PACRG: variants seen among roughly 807,000 people sequenced by gnomAD.
PACRG encodes parkin coregulated, also known as parkin coregulated gene protein.
Under a neutral mutation model 29.7 loss-of-function variants are expected in PACRG, and 29 were observed. The observed-to-expected ratio is 0.98, with a 90% confidence interval of 0.73 to 1.33. The LOEUF is 1.33. PACRG is among the 40% of genes most tolerant of loss of function. The pLI is 0.00. For synonymous variants in PACRG, 116 were observed against 118.7 expected (o/e 0.98, Z 0.15); for missense variants, 279 against 316.2 (o/e 0.88, Z 0.89).
intron 2 of PACRG, among the ~76,000 whole-genome samples, chr6:163,009,343 A>G (rs1319613248): frequency 1.3e-5 from 2 of 152,236 alleles, no homozygotes; most frequent in African/African-American, 2.4e-5. Context: ...TTCACTCTAT[A>G]TATTATTCCA....
chr6:163,003,793 A>G (rs562579110), intron 2 of PACRG, among the ~76,000 whole-genome samples: 1 of 152,320 alleles, frequency 6.6e-6, no homozygotes, highest in Non-Finnish European at 1.5e-5. Flanking sequence ...ATTTAAATAC[A>G]TTAGCCTTAA....
intron 2 of PACRG, among the ~76,000 whole-genome samples, chr6:162,982,616 G>A (rs1287900149): frequency 4.6e-5 from 7 of 151,812 alleles, no homozygotes; most frequent in African/African-American, 7.2e-5. Context: ...TGGTTTTGAG[G>A]GTTCCTTTTG....
chr6:162,862,523 G>T (rs769341264), intron 2 of PACRG, among the ~76,000 whole-genome samples: 5 of 152,216 alleles, frequency 3.3e-5, no homozygotes, highest in Non-Finnish European at 5.9e-5. Flanking sequence ...TGTACCTGAA[G>T]CAGAATTTCA....
At chr6:162,837,005 C>T (rs1789283997) in intron 2 of PACRG, among the ~76,000 whole-genome samples, 1 of 152,062 alleles carries the variant, frequency 6.6e-6, no homozygotes, top group East Asian at 1.9e-4. Flanking sequence ...TCATATGCTT[C>T]TTTACAGAAA....
In PACRG at chr6:163,024,164, A is replaced by G. The variant is rs370277161; in HGVS notation, c.292-37986A>G. Reference sequence around the variant, plus strand: ...TGCCACAGCCAGTGTCAAGAAGAGTATTTCCTAGATTGCCTTCCAGGATTT... The same window carrying G: ...TGCCACAGCCAGTGTCAAGAAGAGTGTTTCCTAGATTGCCTTCCAGGATTT... On this transcript the variant is annotated intron_variant, in intron 2 of 4. Coordinates refer to ENST00000366888, the MANE Select transcript of PACRG (RefSeq NM_001080379.2). Among the ~76,000 whole-genome samples, 22 of 152,304 alleles carry G rather than the reference A, an allele frequency of 1.4e-4. No individual in the cohort carries two copies. The South Asian group carries it at 4.6e-3, about 32-fold the overall frequency.
intron 4 of PACRG, among the ~76,000 whole-genome samples, chr6:163,158,971 T>G (rs1778438117): frequency 6.6e-6 from 1 of 152,188 alleles, no homozygotes; most frequent in Non-Finnish European, 1.5e-5. Context: ...TGAATAGACC[T>G]CTATCATGTT....
intron 1 of PACRG, among the ~76,000 whole-genome samples, chr6:162,748,138 A>T (rs1047718518): frequency 6.6e-6 from 1 of 152,178 alleles, no homozygotes. Context: ...TTGTCATTAA[A>T]GAAAGTGGGT....
At chr6:163,286,772 T>C (rs1165264208) in intron 4 of PACRG, among the ~76,000 whole-genome samples, 1 of 152,210 alleles carries the variant, frequency 6.6e-6, no homozygotes, top group Non-Finnish European at 1.5e-5. Context: ...CAGGTCACTT[T>C]AAAACTACAT....
chr6:163,297,393 A>C (rs1326302981), intron 4 of PACRG, among the ~76,000 whole-genome samples: 1 of 152,204 alleles, frequency 6.6e-6, no homozygotes, highest in African/African-American at 2.4e-5. Flanking sequence ...TAAATAGCAG[A>C]CTTCAGTTTC....
At chr6:162,878,556 A>T (rs573022687) in intron 2 of PACRG, among the ~76,000 whole-genome samples, 2 of 152,326 alleles carry the variant, frequency 1.3e-5, no homozygotes, top group South Asian at 4.1e-4. Flanking sequence ...TCAAAGAGTG[A>T]CATCAGCAAG....
At chr6:163,119,565 ATC>A (rs751972978) in intron 4 of PACRG, among the ~76,000 whole-genome samples, 4 of 152,160 alleles carry the variant, frequency 2.6e-5, no homozygotes, top group Non-Finnish European at 5.9e-5. Flanking sequence ...AGCTACACCC[ATC>A]TCGGGATGAT....
chr6:163,144,572 C>T (rs1489095373), intron 4 of PACRG, among the ~76,000 whole-genome samples: 1 of 152,054 alleles, frequency 6.6e-6, no homozygotes. Flanking sequence ...AGTTCGAGAC[C>T]AGCCTAGCCA....
chr6:163,233,504 G>T (rs557521295), intron 4 of PACRG, among the ~76,000 whole-genome samples: 150 of 152,300 alleles, frequency 9.8e-4, no homozygotes, highest in African/African-American at 3.5e-3. Flanking sequence ...CTAGCCCAAA[G>T]AAATAACTGC....
intron 2 of PACRG, among the ~76,000 whole-genome samples, chr6:163,054,962 G>T (rs185777144): frequency 1.8e-4 from 28 of 152,298 alleles, no homozygotes; most frequent in African/African-American, 6.5e-4. Context: ...AGGGTGACCT[G>T]CCAGTGTTGG....
intron 4 of PACRG, among the ~76,000 whole-genome samples, chr6:163,174,761 G>A (rs191541922): frequency 8.5e-5 from 13 of 152,110 alleles, no homozygotes; most frequent in Admixed American, 2.6e-4. Context: ...GCTGGGCACC[G>A]TCTCCATCAT....
intron 2 of PACRG, among the ~76,000 whole-genome samples, chr6:162,836,987 G>A (rs1789283314): frequency 6.6e-6 from 1 of 152,134 alleles, no homozygotes; most frequent in Non-Finnish European, 1.5e-5. Flanking sequence ...CTGAATGTTA[G>A]AGAAGACTCA....
intron 2 of PACRG, among the ~76,000 whole-genome samples, chr6:162,960,972 G>A (rs1299248293): frequency 6.6e-6 from 1 of 152,194 alleles, no homozygotes; most frequent in African/African-American, 2.4e-5. Flanking sequence ...CCTGGTTTAG[G>A]TCATGTGCCC....
At chr6:163,310,536 G>A (rs1213647439) in intron 4 of PACRG, 1 of 152,228 alleles carries the variant, frequency 6.6e-6, no homozygotes, top group African/African-American at 2.4e-5. Flanking sequence ...CACGACCCAC[G>A]GCGTTCTGCA....
chr6:163,299,605 G>T (rs891843115), intron 4 of PACRG, among the ~76,000 whole-genome samples: 57 of 152,212 alleles, frequency 3.7e-4, no homozygotes, highest in Admixed American at 1.3e-4. Flanking sequence ...ACATAGGCCG[G>T]GCACGGTGCT....
Sources: gnomAD v4.1 joint callset for allele counts (sites outside exome capture counted in the v4.1 genomes callset) on GRCh38, gnomAD v4.1.1 for gene constraint, MANE v1.5 for transcripts, NCBI Gene and HGNC (gene_info 2026-07-23, HGNC 2026-07-21) for gene names.